ADAM18: variants seen among roughly 807,000 people sequenced by gnomAD.
ADAM18 encodes ADAM metallopeptidase domain 18, also known as disintegrin and metalloproteinase domain-containing protein 18.
In ADAM18, 117 loss-of-function variants were observed where a neutral mutation model predicts 94.4. That is an observed-to-expected ratio of 1.24 (90% CI 1.07 to 1.45). ADAM18 has a LOEUF of 1.45. Among genes scored for constraint, ADAM18 ranks in the 40% most tolerant of loss-of-function variants. The pLI, the probability that ADAM18 is intolerant of heterozygous loss-of-function variation, is 0.00. For synonymous variants in ADAM18, 327 were observed against 291.6 expected, an observed-to-expected ratio of 1.12 and a Z score of -1.24; for missense variants, 936 against 880.0, an observed-to-expected ratio of 1.06 and a Z score of -0.81.
At chr8:39,656,641 A>G (rs772769793) in intron 12 of ADAM18, among the ~76,000 whole-genome samples, 1 of 152,206 alleles carries the variant, frequency 6.6e-6, no homozygotes, top group Non-Finnish European at 1.5e-5. Context: ...TTTAAAGGGT[A>G]GATTATACAA....
Position 39,609,492 on chromosome 8 carries a change from G to A in ADAM18, c.275G>A (p.Cys92Tyr), listed in dbSNP as rs1281367577. The A allele has an allele frequency of 6.2e-7, 1 of 1,609,896 alleles. No individual in the cohort carries two copies. Among genetic ancestry groups the A allele is most frequent in the East Asian group, 2.2e-5 (1 of 44,760 alleles). ...TTCTATACTGTTTTTCAGATGCATT[G>A]CCATTACCAAGGATATGCTGCCGAA... is the stretch of plus-strand genomic sequence containing the variant. ...HSVSPYFMMH[C>Y]HYQGYAAEFP... Residue 92 changes from cysteine to tyrosine, a missense_variant, in exon 5 of 20, where the codon TGC (cysteine) becomes TAC (tyrosine). Transcript: ENST00000265707.
chr8:39,672,755 G>C (rs767358666), intron 14 of ADAM18, among the ~76,000 whole-genome samples: 1 of 152,138 alleles, frequency 6.6e-6, no homozygotes, highest in African/African-American at 2.4e-5. Context: ...ATTTAATCAC[G>C]TATCTGTTCA....
At chr8:39,646,918 A>G (rs555716156) in intron 11 of ADAM18, among the ~76,000 whole-genome samples, 1 of 152,172 alleles carries the variant, frequency 6.6e-6, no homozygotes, top group Admixed American at 6.5e-5. Flanking sequence ...GGCACAATTT[A>G]AGATAGTGTT....
intron 7 of ADAM18, among the ~76,000 whole-genome samples, chr8:39,632,085 A>G (rs1819945961): frequency 6.6e-6 from 1 of 151,830 alleles, no homozygotes; most frequent in African/African-American, 2.4e-5. Context: ...TATGTACACA[A>G]TCATATTATT....
chr8:39,607,623 C>G (rs968954356), intron 3 of ADAM18, among the ~76,000 whole-genome samples: 3 of 152,070 alleles, frequency 2.0e-5, no homozygotes, highest in African/African-American at 7.2e-5. Context: ...GTGTCTCCCC[C>G]GTAAAATACT....
At chr8:39,629,748 T>C (rs942131594) in intron 7 of ADAM18, among the ~76,000 whole-genome samples, 2 of 151,864 alleles carry the variant, frequency 1.3e-5, no homozygotes, top group Non-Finnish European at 2.9e-5. Context: ...TTTGTTTTAA[T>C]TTTAAAGACA....
intron 18 of ADAM18, among the ~76,000 whole-genome samples, chr8:39,720,246 A>T (rs1822709570): frequency 1.3e-5 from 2 of 151,564 alleles, no homozygotes; most frequent in African/African-American, 4.8e-5. Flanking sequence ...TATAAGTATA[A>T]AAAATGAAAG....
At chr8:39,712,470 G>A (rs1822440840) in intron 18 of ADAM18, among the ~76,000 whole-genome samples, 1 of 152,130 alleles carries the variant, frequency 6.6e-6, no homozygotes, top group African/African-American at 2.4e-5. Context: ...AAGAAATAAA[G>A]GGTATTCAAT....
chr8:39,622,079 TTAAAA>T (rs1377455684), intron 6 of ADAM18, among the ~76,000 whole-genome samples: 3 of 152,136 alleles, frequency 2.0e-5, no homozygotes, highest in Non-Finnish European at 4.4e-5. Context: ...ACCCCTGAAC[TTAAAA>T]TAAAAGTAGG....
chr8:39,713,766 G>T (rs529085725), intron 18 of ADAM18, among the ~76,000 whole-genome samples: 1 of 151,908 alleles, frequency 6.6e-6, no homozygotes, highest in South Asian at 2.1e-4. Context: ...AGTTAGAATG[G>T]CAATCATTAA....
At chr8:39,602,900 G>T (rs2129578237) in intron 2 of ADAM18, among the ~76,000 whole-genome samples, 1 of 152,150 alleles carries the variant, frequency 6.6e-6, no homozygotes, top group African/African-American at 2.4e-5. Context: ...AGAGGTTTTT[G>T]TCCTGTGTTT....
At chr8:39,650,028 G>A (rs1319856470) in intron 12 of ADAM18, among the ~76,000 whole-genome samples, 2 of 152,200 alleles carry the variant, frequency 1.3e-5, no homozygotes, top group East Asian at 3.8e-4. Flanking sequence ...TGACAAGCAA[G>A]TCTGGAAATA....
In ADAM18 at chr8:39,645,182, C is replaced by T. The variant is rs1008205186; in HGVS notation, c.910-156C>T. ...TTCATGCTTCTTAATCAATAAATTA[C>T]GGCAGATAAATAAATGGCATACCAA... On this transcript the variant is annotated intron_variant, in intron 10 of 19. Coordinates refer to ENST00000265707, the MANE Select transcript of ADAM18 (RefSeq NM_014237.3). Among the ~76,000 whole-genome samples the T allele has an allele frequency of 7.9e-5, 12 of 152,122 alleles. No individual in the cohort carries two copies. The South Asian group carries it at 8.3e-4, about 11-fold the overall frequency.
chr8:39,630,747 T>C (rs1819910507), intron 7 of ADAM18, among the ~76,000 whole-genome samples: 2 of 152,084 alleles, frequency 1.3e-5, no homozygotes, highest in Middle Eastern at 3.4e-3. Flanking sequence ...GGTATCTGCC[T>C]AGGAGTGAAA....
chr8:39,680,884 T>C (rs1004582813), intron 16 of ADAM18, among the ~76,000 whole-genome samples: 1 of 152,180 alleles, frequency 6.6e-6, no homozygotes, highest in Admixed American at 6.5e-5. Flanking sequence ...ATTTGATGCG[T>C]AAAAATAAAA....
intron 18 of ADAM18, among the ~76,000 whole-genome samples, chr8:39,719,771 T>G (rs1251694843): frequency 6.6e-6 from 1 of 151,462 alleles, no homozygotes; most frequent in Non-Finnish European, 1.5e-5. Flanking sequence ...ACATTAACTT[T>G]GGCCAAGATG....
chr8:39,674,719 G>A (rs981598818), intron 14 of ADAM18, among the ~76,000 whole-genome samples: 7 of 152,054 alleles, frequency 4.6e-5, no homozygotes, highest in South Asian at 2.1e-4. Context: ...TCTCTACATC[G>A]ATGGTCTTTA....
At chr8:39,727,508 T>G (rs575101239) in intron 19 of ADAM18, among the ~76,000 whole-genome samples, 2 of 152,194 alleles carry the variant, frequency 1.3e-5, no homozygotes, top group African/African-American at 4.8e-5. Context: ...CTGCCAGATA[T>G]CCTATATGGT....
intron 15 of ADAM18, among the ~76,000 whole-genome samples, chr8:39,679,545 G>T (rs1272160814): frequency 1.3e-5 from 2 of 152,174 alleles, no homozygotes; most frequent in African/African-American, 4.8e-5. Context: ...GGAAATATCT[G>T]TATGCTGGGA....
Sources: allele counts gnomAD v4.1 joint callset (sites outside exome capture counted in the v4.1 genomes callset), GRCh38; gene constraint gnomAD v4.1.1; transcripts MANE v1.5; gene names NCBI Gene and HGNC (gene_info 2026-07-23, HGNC 2026-07-21).